LAMA3: variants seen among roughly 807,000 people sequenced by gnomAD.
The protein encoded by LAMA3 is laminin subunit alpha 3.
LAMA3 carries 281 observed loss-of-function variants against 402.0 expected under a neutral mutation model. The ratio of observed to expected loss-of-function variants is 0.70; its 90% CI spans 0.63 to 0.77. The LOEUF (loss-of-function observed/expected upper bound fraction) is 0.77, where lower values mean the gene tolerates loss of function less well. Among genes scored for constraint, LAMA3 ranks in the 30% least tolerant of loss-of-function variants. The probability of loss-of-function intolerance (pLI) is 0.00; values close to 1 mark genes in which losing one functional copy is unlikely to be tolerated. For missense variants in LAMA3, 3,840 were observed against 4,215.5 expected (o/e 0.91, Z 2.47); for synonymous variants, 1,431 against 1,558.4 (o/e 0.92, Z 1.93).
In LAMA3 at chr18:23,898,991, A is replaced by G. The variant is rs552535400; in HGVS notation, c.5762A>G (p.Asn1921Ser). The part of the protein sequence containing the change: ...VNSRKAQTLN[N>S]NVNRATQSAK... Reference sequence around the variant, plus strand: ...TCCAGAAAAGCACAAACATTAAACAACAATGTTAATCGGGCAACACAAAGC... The same window carrying G: ...TCCAGAAAAGCACAAACATTAAACAGCAATGTTAATCGGGCAACACAAAGC... Residue 1921 changes from asparagine (N) to serine (S), a missense_variant, in exon 46 of 75, where the codon AAC becomes AGC. Asn to Ser is a conservative substitution (Grantham distance 46). Around this residue, in one of 3 missense-constraint regions of LAMA3, gnomAD observed 891 missense variants for 857.5 expected, o/e 1.04. Coordinates refer to ENST00000313654, the MANE Select transcript of LAMA3 (RefSeq NM_198129.4). The G allele has an allele frequency of 1.2e-6, 2 of 1,614,076 alleles. No homozygotes were observed. The highest frequency in any genetic ancestry group is 1.7e-5 in the Admixed American group (1 of 60,030).
At position 23,854,598 on chromosome 18, in the gene LAMA3, G is replaced by A. The variant is rs893088192; in HGVS notation, c.4137-3246G>A. ...GGAGCTTGCAGTGAGCCGAGATTGC[G>A]CCACTGCACTCCAGCCTGGGTGACA... On this transcript the variant is annotated intron_variant, in intron 32 of 74. Coordinates refer to ENST00000313654, the MANE Select transcript of LAMA3 (RefSeq NM_198129.4). Among the ~76,000 whole-genome samples, 10 of 151,510 alleles carry A rather than the reference G, an allele frequency of 6.6e-5. No homozygotes were observed. In the Middle Eastern group the frequency reaches 0.01, roughly 155 times the overall value.
At chr18:23,771,890 CCTT>C (rs1373071976) in intron 8 of LAMA3, among the ~76,000 whole-genome samples, 5 of 152,096 alleles carry the variant, frequency 3.3e-5, no homozygotes, top group Non-Finnish European at 4.4e-5. Flanking sequence ...TGGATTGACT[CCTT>C]CTTGATTTCT....
At chr18:23,709,568 T>A (rs555204809) in intron 1 of LAMA3, among the ~76,000 whole-genome samples, 1 of 151,848 alleles carries the variant, frequency 6.6e-6, no homozygotes, top group South Asian at 2.1e-4. Context: ...CAGAGACTTA[T>A]AAATATATAA....
At chr18:23,872,539 A>G (rs1022080529) in intron 38 of LAMA3, among the ~76,000 whole-genome samples, 1 of 152,114 alleles carries the variant, frequency 6.6e-6, no homozygotes, top group Non-Finnish European at 1.5e-5. Context: ...GGTAGCCGAA[A>G]ACCCCAAGGT....
At chr18:23,919,990 G>T (rs1303921668) in intron 60 of LAMA3, among the ~76,000 whole-genome samples, 3 of 152,112 alleles carry the variant, frequency 2.0e-5, no homozygotes, top group Non-Finnish European at 4.4e-5. Flanking sequence ...GAATTTACAA[G>T]ATTATGTTGG....
At chr18:23,864,707 A>T (rs2064309723) in intron 35 of LAMA3, 78 bp from the exon 36 acceptor site, 2 of 917,810 alleles carry the variant, frequency 2.2e-6, no homozygotes, top group African/African-American at 3.2e-5. Context: ...TTGTGTGCCT[A>T]AGTGCTTTTC....
At chr18:23,867,726 T>A in intron 36 of LAMA3, 108 bp from the exon 37 acceptor site, 1 of 848,964 alleles carries the variant, frequency 1.2e-6, no homozygotes, top group Admixed American at 1.7e-5. Flanking sequence ...TTTTTTTAAG[T>A]CAGGTATGTC....
rs748845754 is a variant in LAMA3, at chr18:23,819,942, C to T, written c.2249C>T (p.Pro750Leu). The T allele has an allele frequency of 9.3e-6, 15 of 1,613,928 alleles. No individual in the cohort carries two copies. The highest frequency in any genetic ancestry group is 4.5e-5 in the East Asian group (2 of 44,886). ...NGRDLRFGFD[P>L]LAFPEFSWRG... ...AGAGACCTTCGATTTGGATTTGATC[C>T]GCTGGCATTTCCTGAGTTTAGCTGG... is the stretch of plus-strand genomic sequence containing the variant. The change falls in exon 19 of 75, where the codon CCG (proline) becomes CTG (leucine). Residue 750 changes from proline to leucine, a missense_variant. This residue lies in a region of LAMA3 where 2,109 missense variants were observed against 2,376.0 expected (regional missense o/e 0.89). Coordinates refer to ENST00000313654, the MANE Select transcript of LAMA3 (RefSeq NM_198129.4).
At chr18:23,928,962 G>A (rs928614627) in intron 64 of LAMA3, among the ~76,000 whole-genome samples, 197 bp downstream of exon 64, 29 of 152,208 alleles carry the variant, frequency 1.9e-4, no homozygotes, top group African/African-American at 7.0e-4. Context: ...AGTTTAGAAA[G>A]TAACATTATA....
intron 27 of LAMA3, among the ~76,000 whole-genome samples, chr18:23,842,061 G>A (rs192404750): frequency 7.9e-5 from 12 of 152,264 alleles, no homozygotes; most frequent in Middle Eastern, 3.4e-3. Context: ...TGGGTTATGT[G>A]TTCAACTTTG....
intron 59 of LAMA3, among the ~76,000 whole-genome samples, chr18:23,916,005 C>CAAAAAAAAAAAAAAAA (rs1408575781): frequency 2.4e-5 from 1 of 41,954 alleles, no homozygotes; most frequent in African/African-American, 1.4e-4. Flanking sequence ...GACTCCATCT[C>CAAAAAAAAAAAAAAAA]CAAAAAAAAA....
chr18:23,789,486 A>G (rs1042301706), intron 12 of LAMA3, among the ~76,000 whole-genome samples: 3 of 152,228 alleles, frequency 2.0e-5, no homozygotes, highest in African/African-American at 7.2e-5. Flanking sequence ...ATTTAGCAAT[A>G]AAAAGGAACG....
At chr18:23,858,011 A>G (rs1472501354) in intron 33 of LAMA3, 23 bp downstream of exon 33, 6 of 1,614,016 alleles carry the variant, frequency 3.7e-6, no homozygotes. Context: ...GTGCAATGCC[A>G]GACAACAGCT....
intron 64 of LAMA3, among the ~76,000 whole-genome samples, chr18:23,929,298 C>A (rs1361117063): frequency 6.6e-6 from 1 of 152,168 alleles, no homozygotes; most frequent in African/African-American, 2.4e-5. Context: ...CAAGGAGATA[C>A]CATCTGTAAC....
intron 42 of LAMA3, among the ~76,000 whole-genome samples, chr18:23,893,377 C>T (rs1449892891): frequency 6.6e-6 from 1 of 152,124 alleles, no homozygotes; most frequent in Non-Finnish European, 1.5e-5. Context: ...CCTCAAAACT[C>T]AGCTTATCCA....
chr18:23,714,550 G>T (rs2061060349), intron 2 of LAMA3, among the ~76,000 whole-genome samples: 1 of 152,104 alleles, frequency 6.6e-6, no homozygotes, highest in Non-Finnish European at 1.5e-5. Flanking sequence ...GCCCGGAACA[G>T]TGCCTGGCAG....
chr18:23,777,435 A>C (rs938201162), intron 10 of LAMA3, 122 bp from the exon 11 acceptor site: 2 of 718,896 alleles, frequency 2.8e-6, no homozygotes, highest in African/African-American at 1.8e-5. Flanking sequence ...TCTTTAAATT[A>C]GTCTCTATAT....
intron 1 of LAMA3, among the ~76,000 whole-genome samples, chr18:23,698,931 G>A (rs1259246708): frequency 6.6e-6 from 1 of 152,014 alleles, no homozygotes; most frequent in African/African-American, 2.4e-5. Context: ...GAATAAACAG[G>A]ATTCTGTGAT....
At chr18:23,847,396 T>C in intron 31 of LAMA3, 68 bp from the exon 32 acceptor site, 1 of 1,516,998 alleles carries the variant, frequency 6.6e-7, no homozygotes, top group East Asian at 2.3e-5. Flanking sequence ...GCCTGGCAGT[T>C]GGTGGAGTGC....
Sources: allele counts gnomAD v4.1 joint callset (sites outside exome capture counted in the v4.1 genomes callset), GRCh38; gene constraint gnomAD v4.1.1; regional missense constraint gnomAD v4.1.1; transcripts MANE v1.5; gene names NCBI Gene and HGNC (gene_info 2026-07-23, HGNC 2026-07-21).